The following EYS variants were observed in gnomAD, a reference collection of about 807,000 sequenced individuals.
EYS encodes the protein EGF-like photoreceptor maintenance factor.
In EYS, 250 loss-of-function variants were observed where a neutral mutation model predicts 282.1. That is an observed-to-expected ratio of 0.89 (90% CI 0.80 to 0.98). The LOEUF (loss-of-function observed/expected upper bound fraction) is 0.98, where lower values mean the gene tolerates loss of function less well. Ranked by LOEUF, EYS falls within the 50% of genes least tolerant of loss-of-function variation. EYS has a pLI of 0.00. For synonymous variants in EYS, 1,355 were observed against 1,282.9 expected (o/e 1.06, Z -1.20); for missense variants, 4,016 against 3,709.0 (o/e 1.08, Z -2.15).
chr6:64,675,948 G>T (rs1170640030), intron 22 of EYS, among the ~76,000 whole-genome samples: 4 of 147,438 alleles, frequency 2.7e-5, no homozygotes, highest in Admixed American at 6.9e-5. Context: ...TATATATCTA[G>T]ATATATCTAT....
intron 30 of EYS, among the ~76,000 whole-genome samples, chr6:64,246,018 C>CAAAAAAAAAAAAAA (rs60121734): frequency 6.2e-4 from 35 of 56,220 alleles, no homozygotes; most frequent in African/African-American, 2.3e-3. Context: ...AACTCCGTCT[C>CAAAAAAAAAAAAAA]AAAAAAAAAA....
intron 2 of EYS, among the ~76,000 whole-genome samples, chr6:65,545,363 T>C (rs1045424509): frequency 3.3e-5 from 5 of 152,136 alleles, no homozygotes; most frequent in Non-Finnish European, 5.9e-5. Flanking sequence ...AATTAGTATT[T>C]AGATATTAAC....
At chr6:65,117,531 C>T (rs1456224450) in intron 12 of EYS, among the ~76,000 whole-genome samples, 1 of 152,096 alleles carries the variant, frequency 6.6e-6, no homozygotes, top group Non-Finnish European at 1.5e-5. Flanking sequence ...GTCAATTGAA[C>T]ATAAATTTTC....
intron 29 of EYS, among the ~76,000 whole-genome samples, chr6:64,310,954 C>T (rs1769673210): frequency 6.6e-6 from 1 of 151,886 alleles, no homozygotes; most frequent in Non-Finnish European, 1.5e-5. Flanking sequence ...CTAAATTTAT[C>T]CAATCTTCAT....
At chr6:64,211,383 A>C (rs149638066) in intron 31 of EYS, among the ~76,000 whole-genome samples, 110 of 152,246 alleles carry the variant, frequency 7.2e-4, no homozygotes, top group African/African-American at 2.6e-3. Context: ...AATGTCAATA[A>C]TATTGGTTCA....
chr6:64,407,808 T>G (rs998588336), intron 28 of EYS, among the ~76,000 whole-genome samples: 1 of 152,138 alleles, frequency 6.6e-6, no homozygotes. Context: ...CTTGGCTCAC[T>G]GCAACCTCCG....
rs187061333 is a variant in EYS, at chr6:63,952,527, T to C, written c.7055+31856A>G. On this transcript the variant is annotated intron_variant, in intron 35 of 42. Coordinates refer to ENST00000503581, the MANE Select transcript of EYS (RefSeq NM_001142800.2). Reference sequence around the variant, plus strand: ...TTGCCTCCATAACTGTTGTAGGTATTGATGGCCAGGCTTCTAAACCTCTTA... The same window carrying C: ...TTGCCTCCATAACTGTTGTAGGTATCGATGGCCAGGCTTCTAAACCTCTTA... 4.0e-4 allele frequency among the ~76,000 whole-genome samples: 61 copies of C among 152,316 alleles called. No homozygotes were observed. In the East Asian group the frequency reaches 0.011, roughly 28 times the overall value.
chr6:64,353,467 C>T (rs1191438313), intron 29 of EYS, among the ~76,000 whole-genome samples: 1 of 151,602 alleles, frequency 6.6e-6, no homozygotes, highest in East Asian at 2.0e-4. Context: ...AAAAGATCTT[C>T]CCATTACTTG....
intron 12 of EYS, among the ~76,000 whole-genome samples, chr6:65,238,997 T>C (rs555848109): frequency 3.3e-5 from 5 of 152,182 alleles, no homozygotes; most frequent in African/African-American, 1.2e-4. Flanking sequence ...CTTCTCATTA[T>C]AGTTCAAAAA....
intron 41 of EYS, among the ~76,000 whole-genome samples, chr6:63,741,646 G>A (rs1769078288): frequency 6.6e-6 from 1 of 152,170 alleles, no homozygotes; most frequent in Admixed American, 6.5e-5. Context: ...TTCCCCTTTG[G>A]AGATGTCTGT....
chr6:64,157,839 C>A (rs1774980408), intron 31 of EYS, among the ~76,000 whole-genome samples: 1 of 152,204 alleles, frequency 6.6e-6, no homozygotes, highest in South Asian at 2.1e-4. Context: ...TCTGTTAGGG[C>A]AGTGCAGAAG....
intron 32 of EYS, among the ~76,000 whole-genome samples, chr6:64,074,415 G>C (rs996592316): frequency 2.6e-5 from 4 of 151,222 alleles, no homozygotes; most frequent in Non-Finnish European, 5.9e-5. Context: ...TACAATTTTA[G>C]TTTGCTTAGA....
chr6:64,446,558 AT>A (rs57892564), intron 26 of EYS, among the ~76,000 whole-genome samples: 42,053 of 150,976 alleles, frequency 0.28, 5,956 homozygotes, highest in East Asian at 0.46. Flanking sequence ...GGCATTTTTC[AT>A]TTTTTTTTGT....
At chr6:65,624,165 T>C (rs1220587656) in intron 2 of EYS, among the ~76,000 whole-genome samples, 1 of 152,218 alleles carries the variant, frequency 6.6e-6, no homozygotes, top group East Asian at 1.9e-4. Flanking sequence ...TTAGTGGCTA[T>C]ATAGAAATCT....
At chr6:64,793,783 C>T (rs1774262925) in intron 22 of EYS, among the ~76,000 whole-genome samples, 1 of 151,618 alleles carries the variant, frequency 6.6e-6, no homozygotes, top group African/African-American at 2.4e-5. Flanking sequence ...TCTTTATGAA[C>T]AATTATTTTT....
At chr6:64,726,989 G>A (rs139734459) in intron 22 of EYS, among the ~76,000 whole-genome samples, 5,366 of 152,190 alleles carry the variant, frequency 0.035, 139 homozygotes, top group Non-Finnish European at 0.05. Context: ...TTACTTTTTA[G>A]CAAATGCAAG....
At chr6:64,551,685 C>T (rs537327147) in intron 26 of EYS, among the ~76,000 whole-genome samples, 2 of 151,858 alleles carry the variant, frequency 1.3e-5, no homozygotes, top group Non-Finnish European at 2.9e-5. Context: ...CACAAGCACC[C>T]GCCACCATGC....
At chr6:65,208,718 C>G (rs970025184) in intron 12 of EYS, among the ~76,000 whole-genome samples, 9 of 151,138 alleles carry the variant, frequency 6.0e-5, no homozygotes, top group Non-Finnish European at 1.3e-4. Context: ...CAGTACCACA[C>G]CTTCTCACTT....
intron 41 of EYS, among the ~76,000 whole-genome samples, chr6:63,752,498 T>C (rs935051472): frequency 3.3e-5 from 5 of 149,286 alleles, no homozygotes; most frequent in Admixed American, 2.0e-4. Flanking sequence ...TAATTTCTTT[T>C]TTTTTTTTTT....
Sources: allele counts gnomAD v4.1 joint callset (sites outside exome capture counted in the v4.1 genomes callset), GRCh38; gene constraint gnomAD v4.1.1; transcripts MANE v1.5; gene names NCBI Gene and HGNC (gene_info 2026-07-23, HGNC 2026-07-21).